ARHGEF6: variants seen among roughly 807,000 people sequenced by gnomAD.
The protein encoded by ARHGEF6 is Rac/Cdc42 guanine nucleotide exchange factor 6, also known as rho guanine nucleotide exchange factor 6.
In ARHGEF6, 9 loss-of-function variants were observed where a neutral mutation model predicts 70.3. That is an observed-to-expected ratio of 0.13 (90% CI 0.08 to 0.22). The LOEUF is 0.22. Ranked by LOEUF, ARHGEF6 falls within the 10% of genes least tolerant of loss-of-function variation. The pLI is 1.00. For missense variants in ARHGEF6, 470 were observed against 563.0 expected, an observed-to-expected ratio of 0.83 and a Z score of 1.67; for synonymous variants, 201 against 207.8, an observed-to-expected ratio of 0.97 and a Z score of 0.28.
chrX:136,668,533 C>CTTCTTATTATTA (rs61661248), intron 21 of ARHGEF6, among the ~76,000 whole-genome samples: 4 of 98,464 alleles, frequency 4.1e-5, no homozygotes, highest in Non-Finnish European at 6.1e-5. Context: ...TCTTCTTCTT[C>CTTCTTATTATTA]TTATTATTAT....
At chrX:136,682,900 A>G in intron 12 of ARHGEF6, 56 bp from the exon 13 acceptor site, 1 of 961,953 alleles carries the variant, frequency 1.0e-6, no homozygotes, top group Non-Finnish European at 1.5e-6. Context: ...TTATCTGTTG[A>G]GAATTTCTGG....
chrX:136,773,934 T>C (rs766674527), intron 2 of ARHGEF6: 1 of 111,571 alleles, frequency 9.0e-6, no homozygotes, highest in African/African-American at 3.3e-5. Context: ...ATAAAAGTGT[T>C]TCCAGTGCCT....
At chrX:136,767,054 G>A (rs2077322030) in intron 2 of ARHGEF6, 2 of 725,687 alleles carry the variant, frequency 2.8e-6, no homozygotes, top group African/African-American at 2.3e-5. Context: ...GAAGAAGGGC[G>A]GTTCCTCTCC....
chrX:136,724,161 C>T lies in ARHGEF6; in HGVS notation c.732+7941G>A, dbSNP rs144234269. 1.3e-3 allele frequency among the ~76,000 whole-genome samples: 141 copies of T among 108,133 alleles called. 2 individuals carry two copies. The East Asian group carries it at 0.035, about 27-fold the overall frequency. 93.9% of individuals were successfully genotyped at this position (108,133 alleles called of 115,157 possible). ...GTGGCACAATCTCGGCTCAATGCAA[C>T]CTCTGCCTCCTGGGTTCCAGTGATT... On this transcript the variant is annotated intron_variant, in intron 6 of 21. Coordinates refer to ENST00000250617, the MANE Select transcript of ARHGEF6 (RefSeq NM_004840.3).
At chrX:136,737,127 G>A (rs1403999378) in intron 5 of ARHGEF6, among the ~76,000 whole-genome samples, 1 of 111,827 alleles carries the variant, frequency 8.9e-6, no homozygotes, top group Non-Finnish European at 1.9e-5. Context: ...AAGATTTTTA[G>A]TTCCATGCCT....
chrX:136,706,933 C>T lies in ARHGEF6; in HGVS notation c.1021G>A (p.Ala341Thr). 8.3e-7 allele frequency: 1 copy of T among 1,211,635 alleles called. No homozygotes were observed. The highest frequency in any genetic ancestry group is 2.2e-5 in the Admixed American group (1 of 46,026). ...YLAYCANHPS[A>T]VNVLTQHSDE... ...CTGTGCTGAGTGAGCACATTTACAG[C>T]TGAAGGATGGTTTGCACAGTAAGCC... The change falls in exon 9 of 22, where the codon GCT (alanine) becomes ACT (threonine). Residue 341 changes from alanine to threonine, a missense_variant. This residue lies in a region of ARHGEF6 where 379 missense variants were observed against 449.3 expected (regional missense o/e 0.84). Coordinates refer to ENST00000250617, the MANE Select transcript of ARHGEF6 (RefSeq NM_004840.3).
At chrX:136,729,266 G>A (rs1276509010) in intron 6 of ARHGEF6, among the ~76,000 whole-genome samples, 2 of 105,799 alleles carry the variant, frequency 1.9e-5, no homozygotes, top group Admixed American at 1.0e-4. Context: ...TCAGGAGTTC[G>A]AGACCAGCCT....
Position 136,668,155 on chromosome X carries a change from C to A in ARHGEF6, c.2205G>T (p.Met735Ile). The A allele has an allele frequency of 4.1e-6, 5 of 1,211,555 alleles. No individual in the cohort carries two copies. Among genetic ancestry groups the A allele is most frequent in the Non-Finnish European group, 5.6e-6 (5 of 895,440 alleles). ...TCAGTTCTTCTTCCAGGCATTGCTT[C>A]ATTCTTTTATTTTCCTATGATGGGG... ...VRELKQENKR[M>I]KQCLEEELKS... The change falls in exon 22 of 22, where the codon ATG becomes ATT. Residue 735 changes from methionine (M) to isoleucine (I), a missense_variant. Physicochemically the swap from Met to Ile is conservative, Grantham distance 10. Around this residue, in one of 3 missense-constraint regions of ARHGEF6, gnomAD observed 88 missense variants for 95.5 expected, o/e 0.92. Coordinates refer to ENST00000250617, the MANE Select transcript of ARHGEF6 (RefSeq NM_004840.3).
intron 12 of ARHGEF6, among the ~76,000 whole-genome samples, chrX:136,684,560 A>AC (rs1186295681): frequency 1.0e-5 from 1 of 99,455 alleles, no homozygotes; most frequent in Non-Finnish European, 2.0e-5. Context: ...AGCTCCCCCC[A>AC]CCCCCCGGGC....
intron 6 of ARHGEF6, among the ~76,000 whole-genome samples, chrX:136,714,407 A>T (rs1004519704): frequency 2.7e-5 from 3 of 112,342 alleles, no homozygotes; most frequent in African/African-American, 9.7e-5. Flanking sequence ...TAATAATTTT[A>T]AAAACCTTCA....
intron 20 of ARHGEF6, among the ~76,000 whole-genome samples, chrX:136,670,683 AC>A (rs1243780971): frequency 9.0e-6 from 1 of 111,509 alleles, no homozygotes; most frequent in Non-Finnish European, 1.9e-5. Context: ...GCAGGAATGA[AC>A]ATCACCTATC....
At chrX:136,729,200 T>C (rs2148644096) in intron 6 of ARHGEF6, among the ~76,000 whole-genome samples, 1 of 106,244 alleles carries the variant, frequency 9.4e-6, no homozygotes, top group African/African-American at 3.4e-5. Flanking sequence ...GGGAGCAGTG[T>C]CTCACACCTG....
intron 20 of ARHGEF6, among the ~76,000 whole-genome samples, chrX:136,671,709 C>G (rs2076226862): frequency 8.9e-6 from 1 of 112,465 alleles, no homozygotes; most frequent in African/African-American, 3.2e-5. Context: ...CAGCCACTTC[C>G]TAAACCCATC....
intron 6 of ARHGEF6, among the ~76,000 whole-genome samples, chrX:136,722,470 A>G (rs1484529799): frequency 1.8e-5 from 2 of 112,178 alleles, no homozygotes; most frequent in African/African-American, 6.5e-5. Context: ...TTACAACTCA[A>G]CAACAAAAAT....
intron 6 of ARHGEF6, among the ~76,000 whole-genome samples, chrX:136,722,931 T>G (rs2076814425): frequency 1.8e-5 from 2 of 112,619 alleles, no homozygotes; most frequent in Admixed American, 9.4e-5. Flanking sequence ...AAATAAAAGC[T>G]GGTCTAACCA....
Position 136,667,888 on chromosome X carries a change from G to C in ARHGEF6, c.*141C>G. On this transcript the variant is annotated 3_prime_UTR_variant, in exon 22 of 22. Coordinates refer to ENST00000250617, the MANE Select transcript of ARHGEF6 (RefSeq NM_004840.3). ...CACACATATGCACACAGCGGGGAGA[G>C]AAAGAGAAGAGAGAGGGAGAGAGAG... 1 of 821,838 alleles carries C rather than the reference G, an allele frequency of 1.2e-6. No homozygotes were observed. The highest frequency in any genetic ancestry group is 2.2e-5 in the South Asian group (1 of 46,237). 67.7% of individuals were successfully genotyped at this position (821,838 alleles called of 1,213,427 possible).
intron 2 of ARHGEF6, chrX:136,774,034 A>G (rs2077382838): frequency 8.9e-6 from 1 of 112,219 alleles, no homozygotes; most frequent in Admixed American, 9.5e-5. Flanking sequence ...TAAAATTGGA[A>G]CGATACAGAG....
chrX:136,727,333 CTTTCTT>C lies in ARHGEF6; in HGVS notation c.732+4763_732+4768del, dbSNP rs1569410831. 3.1e-3 allele frequency among the ~76,000 whole-genome samples: 102 copies of C among 32,763 alleles called. 1 individual carries two copies. The highest frequency in any genetic ancestry group is 0.01 in the South Asian group (5 of 481). The allele number at this position is 32,763 out of a possible 115,157, so 28.5% of individuals were successfully genotyped here. A position where few individuals can be genotyped will look rare whatever the true frequency, so the allele number is the denominator to read the frequency against. Reference sequence around the variant, plus strand: ...TTTCTTTCTTTCTTTCTTTTTCTTTCTTTCTTTCTTTCTTTCTTTCTTTCTTTCTTT... The same window carrying C: ...TTTCTTTCTTTCTTTCTTTTTCTTTCTCTTTCTTTCTTTCTTTCTTTCTTT... On this transcript the variant is annotated intron_variant, in intron 6 of 21. Transcript: ENST00000250617.
At chrX:136,760,675 G>C (rs1047493252) in intron 2 of ARHGEF6, among the ~76,000 whole-genome samples, 1 of 111,388 alleles carries the variant, frequency 9.0e-6, no homozygotes, top group African/African-American at 3.3e-5. Flanking sequence ...TTTTTAAATA[G>C]AAGCCATTGA....
Sources: allele counts gnomAD v4.1 joint callset (sites outside exome capture counted in the v4.1 genomes callset), GRCh38; gene constraint gnomAD v4.1.1; regional missense constraint gnomAD v4.1.1; transcripts MANE v1.5; gene names NCBI Gene and HGNC (gene_info 2026-07-23, HGNC 2026-07-21).